The following CRBN variants were observed in gnomAD, a reference collection of about 807,000 sequenced individuals.
CRBN encodes cereblon.
A neutral mutation model predicts 62.2 loss-of-function variants in CRBN; 53 were observed. The observed-to-expected ratio is 0.85, with a 90% CI of 0.68 to 1.07. CRBN has a LOEUF of 1.07. CRBN is among the 50% of genes least tolerant of loss of function. The pLI is 0.00. For missense variants in CRBN, 616 were observed against 531.1 expected (o/e 1.16, Z -1.57); for synonymous variants, 208 against 176.1 (o/e 1.18, Z -1.43).
intron 5 of CRBN, chr3:3,156,490 T>C: frequency 3.5e-6 from 2 of 570,318 alleles, no homozygotes; most frequent in East Asian, 3.0e-5. Flanking sequence ...GTAACTAGAA[T>C]CTTCATTCCT....
At chr3:3,176,916 T>C (rs1483469357) in intron 1 of CRBN, among the ~76,000 whole-genome samples, 1 of 152,236 alleles carries the variant, frequency 6.6e-6, no homozygotes, top group African/African-American at 2.4e-5. Context: ...GCTATTGTAC[T>C]AACTGTGAGT....
chr3:3,173,941 C>A, intron 3 of CRBN, 118 bp downstream of exon 3: 1 of 884,354 alleles, frequency 1.1e-6, no homozygotes, highest in Non-Finnish European at 1.9e-6. Context: ...CCTAACCTCA[C>A]ATTCTTACCC....
intron 4 of CRBN, among the ~76,000 whole-genome samples, chr3:3,169,966 T>G (rs976482639): frequency 2.0e-5 from 3 of 146,714 alleles, no homozygotes; most frequent in African/African-American, 7.4e-5. Context: ...CACACACTCA[T>G]GACTTTGGGG....
chr3:3,159,600 G>T (rs1232334428), intron 5 of CRBN, among the ~76,000 whole-genome samples: 1 of 152,218 alleles, frequency 6.6e-6, no homozygotes, highest in African/African-American at 2.4e-5. Flanking sequence ...CCATGCCCAT[G>T]AGCAAGCTAC....
At chr3:3,167,595 C>G in intron 5 of CRBN, 39 bp downstream of exon 5, 1 of 1,593,238 alleles carries the variant, frequency 6.3e-7, no homozygotes, top group South Asian at 1.1e-5. Context: ...AACAACCTGT[C>G]TTCATTTTTT....
chr3:3,175,178 C>G lies in CRBN; in HGVS notation c.159G>C (p.Leu53=). 6.2e-7 allele frequency: 1 copy of G among 1,608,684 alleles called. No homozygotes were observed. The highest frequency in any genetic ancestry group is 2.2e-5 in the East Asian group (1 of 44,812). The change falls in exon 2 of 11, where the codon CTG becomes CTC. Residue 53 remains leucine (L), a synonymous_variant. Coordinates refer to ENST00000231948, the MANE Select transcript of CRBN (RefSeq NM_016302.4). The part of the protein sequence containing the change: ...KPNIINFDTS[L]PTSHTYLGAD... The stretch of plus-strand genomic sequence containing the variant: ...AATTACATACTGTATGTGATGTCGG[C>G]AGACTGGTGTCAAAATTTATGATGT...
rs1053571121 is a variant in CRBN, at chr3:3,153,981, A to G, written c.930T>C (p.Cys310=). 6.2e-6 allele frequency: 10 copies of G among 1,606,604 alleles called. No individual in the cohort carries two copies. Among genetic ancestry groups the G allele is most frequent in the Non-Finnish European group, 8.5e-6 (10 of 1,173,278 alleles). The stretch of plus-strand genomic sequence containing the variant: ...TCACTTTATTCATAATGTCTAATTC[A>G]CAGCGAAGTCGCTGGATAGCACTGC... ...KIGSAIQRLR[C]ELDIMNKCTS... The change falls in exon 8 of 11, where the codon TGT becomes TGC. Residue 310 remains cysteine, a synonymous_variant. Transcript: ENST00000231948.
At chr3:3,149,743 A>C (rs981757010), downstream of CRBN, 1 of 152,190 alleles carries the variant, frequency 6.6e-6, no homozygotes, top group African/African-American at 2.4e-5. Flanking sequence ...CTATTTACAT[A>C]AATATGCAGT....
intron 5 of CRBN, among the ~76,000 whole-genome samples, chr3:3,166,800 T>G (rs931820686): frequency 7.2e-5 from 11 of 152,024 alleles, no homozygotes; most frequent in African/African-American, 2.7e-4. Flanking sequence ...ATAAGTCCAC[T>G]TCATTAATTA....
intron 5 of CRBN, among the ~76,000 whole-genome samples, chr3:3,157,545 T>G (rs956953682): frequency 6.6e-6 from 1 of 152,276 alleles, no homozygotes; most frequent in East Asian, 1.9e-4. Flanking sequence ...CTAGGTATGT[T>G]TCATACGCTG....
In CRBN at chr3:3,176,582, A is replaced by G. The variant is rs568277840; in HGVS notation, c.68-1313T>C. ...GCAACCCCATCTCTACTAAAAACAC[A>G]AAAGTTAGCCGGGTGTGGTTGTAGG... On this transcript the variant is annotated intron_variant, in intron 1 of 10. Transcript: ENST00000231948. 5.3e-5 allele frequency among the ~76,000 whole-genome samples: 8 copies of G among 152,250 alleles called. No homozygotes were observed. In the South Asian group the frequency reaches 1.2e-3, roughly 24 times the overall value.
In CRBN at chr3:3,167,640, G is replaced by C; in HGVS notation, c.681C>G (p.Tyr227Ter). ...DQCSYKWWQK[Y>*]QKRKFHCANL... The stretch of plus-strand genomic sequence containing the variant: ...TAAAAAATTAGTTTCTCACCTTCTG[G>C]TATTTCTGCCACCATTTATATGAAC... Residue 227 changes from tyrosine to a stop codon, truncating the protein, a stop_gained, in exon 5 of 11, where the codon TAC (tyrosine) becomes TAG (stop). Transcript: ENST00000231948. LOFTEE classifies it high-confidence loss of function. The C allele has an allele frequency of 6.2e-7, 1 of 1,612,424 alleles. No homozygotes were observed. The highest frequency in any genetic ancestry group is 8.5e-7 in the Non-Finnish European group (1 of 1,179,032).
At chr3:3,173,765 T>C (rs995395207) in intron 3 of CRBN, 2 of 422,514 alleles carry the variant, frequency 4.7e-6, no homozygotes, top group East Asian at 4.6e-5. Context: ...AAGACAGTTA[T>C]TGAAACTAAG....
At chr3:3,170,817 T>C (rs1707576285) in intron 4 of CRBN, among the ~76,000 whole-genome samples, 1 of 152,194 alleles carries the variant, frequency 6.6e-6, no homozygotes, top group Non-Finnish European at 1.5e-5. Context: ...ATCTTTTTTT[T>C]CCTTTGAGAT....
intron 5 of CRBN, among the ~76,000 whole-genome samples, chr3:3,161,641 C>G (rs1707144235): frequency 6.6e-6 from 1 of 152,150 alleles, no homozygotes; most frequent in Admixed American, 6.5e-5. Context: ...CCCGCCTCAG[C>G]CTCCCAAAGT....
chr3:3,167,893 C>A, intron 4 of CRBN, 100 bp from the exon 5 acceptor site: 1 of 1,131,178 alleles, frequency 8.8e-7, no homozygotes, highest in South Asian at 1.3e-5. Flanking sequence ...CAAGATTTTC[C>A]AAGTTTTATC....
intron 5 of CRBN, among the ~76,000 whole-genome samples, chr3:3,165,692 C>T (rs1418562895): frequency 6.6e-6 from 1 of 152,086 alleles, no homozygotes; most frequent in Non-Finnish European, 1.5e-5. Context: ...CCAAAAAACT[C>T]ATGAGACTAA....
intron 2 of CRBN, 99 bp downstream of exon 2, chr3:3,175,064 G>C: frequency 2.8e-6 from 2 of 704,142 alleles, no homozygotes; most frequent in East Asian, 5.4e-5. Flanking sequence ...CACAATTTCT[G>C]ATATCTAGTA....
rs531603240 is a variant in CRBN, at chr3:3,168,833, G to A, written c.528-1040C>T. On this transcript the variant is annotated intron_variant, in intron 4 of 10. Coordinates refer to ENST00000231948, the MANE Select transcript of CRBN (RefSeq NM_016302.4). ...TTATTTCCTTCCTGCAAACTCATTA[G>A]AAATACTCAGAAAATTTGTCTACAT... Among the ~76,000 whole-genome samples the A allele has an allele frequency of 5.3e-5, 8 of 152,184 alleles. No individual in the cohort carries two copies. The South Asian group carries it at 1.7e-3, about 32-fold the overall frequency.
Sources: gnomAD v4.1 joint callset for allele counts (sites outside exome capture counted in the v4.1 genomes callset) on GRCh38, gnomAD v4.1.1 for gene constraint, MANE v1.5 for transcripts, NCBI Gene and HGNC (gene_info 2026-07-23, HGNC 2026-07-21) for gene names.